The following CEP164 variants were observed in gnomAD, a reference collection of about 807,000 sequenced individuals.
CEP164 encodes the protein centrosomal protein of 164 kDa.
CEP164 carries 162 observed loss-of-function variants against 182.7 expected under a neutral mutation model. That is an observed-to-expected ratio of 0.89 (90% CI 0.78 to 1.01). CEP164 has a LOEUF of 1.01. CEP164 is among the 50% of genes least tolerant of loss of function. The pLI is 0.00. For missense variants in CEP164, 1,735 were observed against 1,790.4 expected (o/e 0.97, Z 0.56); for synonymous variants, 661 against 690.0 (o/e 0.96, Z 0.66).
intron 5 of CEP164, among the ~76,000 whole-genome samples, chr11:117,358,569 A>G (rs2040575844): frequency 7.2e-6 from 1 of 138,686 alleles, no homozygotes; most frequent in African/African-American, 2.7e-5. Flanking sequence ...AAGAGACCAG[A>G]GTTTTGCTCT....
intron 8 of CEP164, among the ~76,000 whole-genome samples, chr11:117,370,079 G>A (rs1475887923): frequency 6.6e-6 from 1 of 152,206 alleles, no homozygotes; most frequent in Non-Finnish European, 1.5e-5. Flanking sequence ...GACTCTGCTG[G>A]GCTGACCAAG....
rs1341855571 is a variant in CEP164, at chr11:117,371,218, C to T, written c.904C>T (p.Gln302Ter). 2 of 1,614,066 alleles carry T rather than the reference C, an allele frequency of 1.2e-6. No homozygotes were observed. Among genetic ancestry groups the T allele is most frequent in the African/African-American group, 1.3e-5 (1 of 74,914 alleles). Reference sequence around the variant, plus strand: ...GAGCAGTGCTGTTGGCAAAGGGCGACAGGGAAGTGGAGCAAGACCTGGTCT... The same window carrying T: ...GAGCAGTGCTGTTGGCAAAGGGCGATAGGGAAGTGGAGCAAGACCTGGTCT... The part of the protein sequence containing the change: ...SLSSAVGKGR[Q>*]GSGARPGLPE... The change falls in exon 9 of 33, where the codon CAG becomes TAG. Residue 302 changes from glutamine (Q) to a stop codon, truncating the protein, a stop_gained. Coordinates refer to ENST00000278935, the MANE Select transcript of CEP164 (RefSeq NM_014956.5). LOFTEE classifies it high-confidence loss of function.
Position 117,397,282 on chromosome 11 carries a change from C to A in CEP164, c.3470C>A (p.Ala1157Asp). ...EVAKDPPGIK[A>D]LEDMRKNLEK... is the part of the protein sequence containing the mutation. ...GCCAAAGACCCACCAGGCATCAAGG[C>A]CCTGGAAGATATGCGCAAGAACCTG... is the stretch of plus-strand genomic sequence containing the variant. The change falls in exon 27 of 33, where the codon GCC becomes GAC. Residue 1157 changes from alanine to aspartate, a missense_variant. Ala to Asp is a moderately radical substitution (Grantham distance 126). Coordinates refer to ENST00000278935, the MANE Select transcript of CEP164 (RefSeq NM_014956.5). The A allele has an allele frequency of 1.2e-6, 2 of 1,613,616 alleles. No individual in the cohort carries two copies. Among genetic ancestry groups the A allele is most frequent in the Non-Finnish European group, 1.7e-6 (2 of 1,179,974 alleles).
intron 2 of CEP164, among the ~76,000 whole-genome samples, chr11:117,336,037 C>T (rs1330606527): frequency 6.6e-6 from 1 of 152,092 alleles, no homozygotes; most frequent in Admixed American, 6.6e-5. Context: ...CAATCCTCTT[C>T]CCATTTTCCC....
At chr11:117,373,594 G>A (rs1332836795) in intron 9 of CEP164, among the ~76,000 whole-genome samples, 157 bp from the exon 10 acceptor site, 2 of 152,208 alleles carry the variant, frequency 1.3e-5, no homozygotes, top group South Asian at 2.1e-4. Context: ...AGAGAATGGC[G>A]GGGTCCACAG....
intron 27 of CEP164, among the ~76,000 whole-genome samples, chr11:117,403,488 C>G (rs567217702): frequency 6.6e-6 from 1 of 152,322 alleles, no homozygotes; most frequent in Non-Finnish European, 1.5e-5. Context: ...GGCCCCCACT[C>G]TCTTCTAGCT....
intron 9 of CEP164, among the ~76,000 whole-genome samples, chr11:117,372,481 G>A (rs534757108): frequency 2.7e-5 from 4 of 150,794 alleles, no homozygotes; most frequent in Admixed American, 6.6e-5. Context: ...GCAGTGGTGC[G>A]ATCAGCTCAC....
intron 30 of CEP164, 194 bp downstream of exon 30, chr11:117,410,159 C>T (rs1317547773): frequency 2.8e-6 from 2 of 705,206 alleles, no homozygotes; most frequent in African/African-American, 3.5e-5. Context: ...GGGAAGGAGA[C>T]ATTGCAGGTG....
At chr11:117,348,229 C>T (rs1461004466) in intron 4 of CEP164, among the ~76,000 whole-genome samples, 2 of 152,006 alleles carry the variant, frequency 1.3e-5, no homozygotes, top group African/African-American at 4.8e-5. Flanking sequence ...GCCTTGATCT[C>T]CTAGAGTGTT....
At chr11:117,352,115 A>G (rs903716932) in intron 5 of CEP164, 127 bp downstream of exon 5, 6 of 784,016 alleles carry the variant, frequency 7.7e-6, no homozygotes, top group Middle Eastern at 3.7e-4. Flanking sequence ...TCTTGATAGT[A>G]TATCATCTAA....
At chr11:117,362,372 G>A in intron 6 of CEP164, 32 bp from the exon 7 acceptor site, 1 of 1,598,068 alleles carries the variant, frequency 6.3e-7, no homozygotes, top group Non-Finnish European at 8.6e-7. Context: ...TCTTCCAAGT[G>A]AGTCCTTTGA....
chr11:117,409,463 C>G lies in CEP164; in HGVS notation c.3749-155C>G, dbSNP rs745397438. 8.7e-6 allele frequency: 6 copies of G among 691,414 alleles called. No individual in the cohort carries two copies. The highest frequency in any genetic ancestry group is 1.8e-5 in the African/African-American group (1 of 55,820). The allele number at this position is 691,414 out of a possible 1,614,324, so 42.8% of individuals were successfully genotyped here. A position where few individuals can be genotyped will look rare whatever the true frequency, so the allele number is the denominator to read the frequency against. ...ACTTGCACTGTCTGGAACACAGAAG[C>G]CCTGCCATCCCTGACCCCCTCATAA... On this transcript the variant is annotated intron_variant, in intron 29 of 32. Transcript: ENST00000278935. The surrounding 1 kb of genome is among the most constrained non-coding windows in gnomAD (Gnocchi z 4.4).
intron 4 of CEP164, among the ~76,000 whole-genome samples, chr11:117,348,313 C>T (rs187635377): frequency 2.0e-5 from 3 of 152,172 alleles, no homozygotes; most frequent in Non-Finnish European, 2.9e-5. Flanking sequence ...TAAAAAAAAT[C>T]GTCAATCCAA....
intron 11 of CEP164, among the ~76,000 whole-genome samples, chr11:117,377,394 T>G (rs774056561): frequency 2.0e-5 from 3 of 152,166 alleles, no homozygotes; most frequent in East Asian, 1.9e-4. Context: ...TGGGGACCCC[T>G]CCCCTAAGCT....
At chr11:117,390,713 C>T (rs1332019019) in intron 15 of CEP164, 64 bp from the exon 16 acceptor site, 2 of 1,602,740 alleles carry the variant, frequency 1.2e-6, no homozygotes, top group Non-Finnish European at 8.5e-7. Flanking sequence ...AGAGCCATAG[C>T]TTATGAATAG....
intron 3 of CEP164, among the ~76,000 whole-genome samples, chr11:117,341,125 C>G (rs2038050781): frequency 6.6e-6 from 1 of 152,158 alleles, no homozygotes; most frequent in Non-Finnish European, 1.5e-5. Flanking sequence ...CTGCACCTAG[C>G]CATGAATGGC....
intron 27 of CEP164, among the ~76,000 whole-genome samples, chr11:117,398,701 G>A (rs1439967014): frequency 6.6e-6 from 1 of 152,202 alleles, no homozygotes; most frequent in African/African-American, 2.4e-5. Flanking sequence ...GAAACCATGG[G>A]CCAAGCTGTA....
At chr11:117,340,416 T>C (rs1042490372) in intron 3 of CEP164, among the ~76,000 whole-genome samples, 1 of 152,258 alleles carries the variant, frequency 6.6e-6, no homozygotes, top group African/African-American at 2.4e-5. Context: ...CAAAGTTTGC[T>C]TATAATTCAG....
chr11:117,382,631 A>C, intron 13 of CEP164, 165 bp from the exon 14 acceptor site: 1 of 719,672 alleles, frequency 1.4e-6, no homozygotes, highest in Non-Finnish European at 2.3e-6. Context: ...CAAATAATTC[A>C]GGGAGAGGAA....
Sources: gnomAD v4.1 joint callset for allele counts (sites outside exome capture counted in the v4.1 genomes callset) on GRCh38, gnomAD v4.1.1 for gene constraint, Gnocchi (gnomAD v3.1) non-coding constraint, MANE v1.5 for transcripts, NCBI Gene and HGNC (gene_info 2026-07-23, HGNC 2026-07-21) for gene names.